The following DPP6 variants were observed in gnomAD, a reference collection of about 807,000 sequenced individuals.
DPP6 encodes A-type potassium channel modulatory protein DPP6.
Under a neutral mutation model 122.6 loss-of-function variants are expected in DPP6, and 69 were observed. The observed-to-expected ratio is 0.56, with a 90% CI of 0.46 to 0.69. The LOEUF (loss-of-function observed/expected upper bound fraction) is 0.69, where lower values mean the gene tolerates loss of function less well. Among genes scored for constraint, DPP6 ranks in the 30% least tolerant of loss-of-function variants. DPP6 has a pLI of 0.00. For missense variants in DPP6, 928 were observed against 1,116.9 expected, an observed-to-expected ratio of 0.83 and a Z score of 2.41; for synonymous variants, 418 against 433.1, an observed-to-expected ratio of 0.97 and a Z score of 0.43.
At chr7:154,719,549 C>T (rs1286000721) in intron 7 of DPP6, among the ~76,000 whole-genome samples, 1 of 152,224 alleles carries the variant, frequency 6.6e-6, no homozygotes, top group Non-Finnish European at 1.5e-5. Flanking sequence ...GTGACTCACT[C>T]TGCTGAGGAA....
At chr7:153,781,322 C>T in the DPP6 span, among the ~76,000 whole-genome samples, 1 of 152,100 alleles carries the variant, frequency 6.6e-6, no homozygotes, top group Admixed American at 6.6e-5. Context: ...TTCACTAATC[C>T]GAGATCAAAA....
At chr7:154,251,620 A>G (rs554737439) in intron 1 of DPP6, among the ~76,000 whole-genome samples, 1 of 152,328 alleles carries the variant, frequency 6.6e-6, no homozygotes, top group East Asian at 1.9e-4. Flanking sequence ...AAGTAGGGAA[A>G]CCGACAGTGC....
At chr7:154,059,435 A>C (rs1356368908) in intron 1 of DPP6, 1 of 117,540 alleles carries the variant, frequency 8.5e-6, no homozygotes, top group South Asian at 2.8e-4. Flanking sequence ...CAGGTACCTT[A>C]CATGGGATTT....
chr7:154,365,972 A>AG (rs201863021), intron 1 of DPP6, among the ~76,000 whole-genome samples: 10,693 of 149,324 alleles, frequency 0.072, 990 homozygotes, highest in African/African-American at 0.21. Context: ...AAAAAAAAAA[A>AG]AAAAAAAGTG....
intron 1 of DPP6, among the ~76,000 whole-genome samples, chr7:154,295,320 TGA>T (rs1179239957): frequency 6.6e-6 from 1 of 152,166 alleles, no homozygotes; most frequent in East Asian, 1.9e-4. Flanking sequence ...TCACTCAGAC[TGA>T]GAGTTAGAGA....
intron 1 of DPP6, among the ~76,000 whole-genome samples, chr7:154,215,854 T>C (rs1799967509): frequency 6.6e-6 from 1 of 152,086 alleles, no homozygotes; most frequent in Non-Finnish European, 1.5e-5. Flanking sequence ...CTGACTGATA[T>C]GGAGGGCAAG....
chr7:154,779,967 G>C (rs1467349159), intron 10 of DPP6, among the ~76,000 whole-genome samples: 1 of 152,162 alleles, frequency 6.6e-6, no homozygotes, highest in Non-Finnish European at 1.5e-5. Context: ...AATGTGCTCT[G>C]TTCCCCTCAC....
At chr7:154,509,494 T>C (rs1825898404) in intron 3 of DPP6, among the ~76,000 whole-genome samples, 1 of 152,134 alleles carries the variant, frequency 6.6e-6, no homozygotes, top group African/African-American at 2.4e-5. Flanking sequence ...GGTGAGAATT[T>C]GGAAAAAACA....
rs569369150 is a variant in DPP6 at position 154,784,803 on chromosome 7, G to C, written c.1137-9276G>C. ...GCTCCCTACCTCAGTCCACAGACCCGTCTAATCTGACCTTGCCACCTTCAT... is the reference window on the plus strand; with the variant it reads ...GCTCCCTACCTCAGTCCACAGACCCCTCTAATCTGACCTTGCCACCTTCAT... On this transcript the variant is annotated intron_variant, in intron 10 of 25. Transcript: ENST00000377770. Among the ~76,000 whole-genome samples the C allele has an allele frequency of 2.6e-5, 4 of 152,294 alleles. No individual in the cohort carries two copies. In the South Asian group the frequency reaches 8.3e-4, roughly 32 times the overall value.
intron 1 of DPP6, among the ~76,000 whole-genome samples, chr7:154,342,467 G>A (rs1810016039): frequency 6.6e-6 from 1 of 152,248 alleles, no homozygotes; most frequent in African/African-American, 2.4e-5. Flanking sequence ...GGTTGCAGAA[G>A]CAACATTAGA....
intron 1 of DPP6, among the ~76,000 whole-genome samples, chr7:153,940,353 G>A (rs967156108): frequency 1.3e-5 from 2 of 152,090 alleles, no homozygotes; most frequent in African/African-American, 2.4e-5. Context: ...AAAACACGCC[G>A]CAACTTAAGT....
At chr7:154,334,734 A>G (rs997177350) in intron 1 of DPP6, among the ~76,000 whole-genome samples, 1 of 152,170 alleles carries the variant, frequency 6.6e-6, no homozygotes, top group Non-Finnish European at 1.5e-5. Flanking sequence ...CATCTCTACT[A>G]AAAATACAAA....
At chr7:154,731,789 G>C (rs1370909012) in intron 8 of DPP6, among the ~76,000 whole-genome samples, 1 of 152,202 alleles carries the variant, frequency 6.6e-6, no homozygotes, top group Non-Finnish European at 1.5e-5. Flanking sequence ...ATTAAAGTTT[G>C]TTTATTCATA....
At chr7:154,422,296 A>T (rs1586222022) in intron 1 of DPP6, among the ~76,000 whole-genome samples, 1 of 152,188 alleles carries the variant, frequency 6.6e-6, no homozygotes, top group African/African-American at 2.4e-5. Flanking sequence ...TGGAAAAGGG[A>T]GCAAAAAGGA....
Position 154,241,584 on chromosome 7 carries a change from A to G in DPP6, c.243+188521A>G, listed in dbSNP as rs1172287141. Among the ~76,000 whole-genome samples, 1 of 152,016 alleles carries G rather than the reference A, an allele frequency of 6.6e-6. No individual in the cohort carries two copies. Among genetic ancestry groups the G allele is most frequent in the Non-Finnish European group, 1.5e-5 (1 of 67,998 alleles). ...CAAAACAAAACAAAAAAAAGATCCA[A>G]TTCCATCCCCATCTACTCCAAAATG... On this transcript the variant is annotated intron_variant, in intron 1 of 25. Coordinates refer to ENST00000377770, the MANE Select transcript of DPP6 (RefSeq NM_130797.4). This position sits in a 1 kb window ranked among gnomAD's most constrained non-coding sequence, Gnocchi z 9.0.
chr7:154,395,015 C>G (rs1281936867), intron 1 of DPP6, among the ~76,000 whole-genome samples: 1 of 152,110 alleles, frequency 6.6e-6, no homozygotes. Context: ...TGACGTAATA[C>G]CATGGACTAG....
intron 16 of DPP6, among the ~76,000 whole-genome samples, chr7:154,824,000 G>C (rs1255607351): frequency 6.6e-6 from 1 of 152,174 alleles, no homozygotes; most frequent in Non-Finnish European, 1.5e-5. Context: ...TGCAAACTTT[G>C]TTGAATTACC....
intron 2 of DPP6, among the ~76,000 whole-genome samples, chr7:154,450,197 T>A (rs1466872448): frequency 6.6e-6 from 1 of 152,130 alleles, no homozygotes; most frequent in Non-Finnish European, 1.5e-5. Flanking sequence ...TTGTATGATT[T>A]CAGAATAGGC....
intron 1 of DPP6, among the ~76,000 whole-genome samples, chr7:154,107,478 A>AT (rs2150579379): frequency 6.6e-6 from 1 of 152,316 alleles, no homozygotes; most frequent in Non-Finnish European, 1.5e-5. Flanking sequence ...GACAGGAGGC[A>AT]TAAGTTTTTG....
Sources: allele counts gnomAD v4.1 joint callset (sites outside exome capture counted in the v4.1 genomes callset), GRCh38; gene constraint gnomAD v4.1.1; non-coding constraint Gnocchi (gnomAD v3.1); transcripts MANE v1.5; gene names NCBI Gene and HGNC (gene_info 2026-07-23, HGNC 2026-07-21).